EHBP1: variants seen among roughly 807,000 people sequenced by gnomAD.
EHBP1 encodes the protein EH domain binding protein 1.
Under a neutral mutation model 144.0 loss-of-function variants are expected in EHBP1, and 55 were observed. The observed-to-expected ratio is 0.38, with a 90% CI of 0.31 to 0.48. The LOEUF is 0.48. Among genes scored for constraint, EHBP1 ranks in the 20% least tolerant of loss-of-function variants. EHBP1 has a pLI of 0.98. For missense variants in EHBP1, 1,200 were observed against 1,364.2 expected, an observed-to-expected ratio of 0.88 and a Z score of 1.90; for synonymous variants, 469 against 472.7, an observed-to-expected ratio of 0.99 and a Z score of 0.10.
At position 63,045,543 on chromosome 2, in the gene EHBP1, G is replaced by T. The variant is rs753857913; in HGVS notation, c.*43G>T. 2.6e-6 allele frequency: 4 copies of T among 1,511,850 alleles called. No homozygotes were observed. In the South Asian group the frequency reaches 4.7e-5, roughly 18 times the overall value. 93.7% of individuals were successfully genotyped at this position (1,511,850 alleles called of 1,614,324 possible). A position where few individuals can be genotyped will look rare whatever the true frequency, so the allele number is the denominator to read the frequency against. On this transcript the variant is annotated 3_prime_UTR_variant, in exon 23 of 23. Transcript: ENST00000431489. This position sits in a 1 kb window ranked among gnomAD's most constrained non-coding sequence, Gnocchi z 5.7. ...ATCTCTCCCAACATTTTAGAGTCTT[G>T]CTTCCCAAACCAGAAAAAGTCAGAC...
chr2:62,921,346 G>C (rs2055061688), intron 10 of EHBP1, among the ~76,000 whole-genome samples: 1 of 152,080 alleles, frequency 6.6e-6, no homozygotes, highest in Non-Finnish European at 1.5e-5. Flanking sequence ...TCAGGAGGCT[G>C]AGGTAGGAGG....
chr2:62,982,358 T>C (rs1261322980), intron 15 of EHBP1, among the ~76,000 whole-genome samples: 1 of 152,134 alleles, frequency 6.6e-6, no homozygotes, highest in East Asian at 1.9e-4. Context: ...AATATATGAA[T>C]GAATGAGCCT....
chr2:62,699,046 C>T (rs770316409), intron 1 of EHBP1, among the ~76,000 whole-genome samples: 22 of 152,210 alleles, frequency 1.4e-4, no homozygotes, highest in Non-Finnish European at 2.6e-4. Flanking sequence ...TTTGGTTTTA[C>T]ACCACAAGGG....
At chr2:62,988,706 C>CTGGCT (rs2059294925) in intron 15 of EHBP1, among the ~76,000 whole-genome samples, 1 of 152,066 alleles carries the variant, frequency 6.6e-6, no homozygotes, top group African/African-American at 2.4e-5. Context: ...CAGCAAGTAG[C>CTGGCT]AATCCAAAGT....
At chr2:62,844,067 C>G (rs977451838) in intron 7 of EHBP1, among the ~76,000 whole-genome samples, 1 of 152,170 alleles carries the variant, frequency 6.6e-6, no homozygotes, top group African/African-American at 2.4e-5. Flanking sequence ...GTTTCTCCAA[C>G]AAAGCTCAGA....
Position 63,045,423 on chromosome 2 carries a change from G to A in EHBP1, c.3406G>A (p.Asp1136Asn). 6.2e-7 allele frequency: 1 copy of A among 1,614,182 alleles called. No individual in the cohort carries two copies. The highest frequency in any genetic ancestry group is 1.1e-5 in the South Asian group (1 of 91,080). ...DAQEKQAEEE[D>N]EHLERTLEQN... ...TCTGACATCCAGGGCCGAAGAAGAA[G>A]ATGAGCATTTGGAGCGAACTCTGGA... Residue 1136 changes from aspartate to asparagine, a missense_variant, in exon 23 of 23, where the codon GAT becomes AAT. Transcript: ENST00000431489. This position sits in a 1 kb window ranked among gnomAD's most constrained non-coding sequence, Gnocchi z 5.7.
At chr2:62,803,234 C>CA (rs35240136) in intron 5 of EHBP1, among the ~76,000 whole-genome samples, 288 of 121,570 alleles carry the variant, frequency 2.4e-3, no homozygotes, top group East Asian at 5.6e-3. Context: ...GACCCTGTCT[C>CA]AAAAAAAAAA....
At chr2:62,921,109 C>G (rs572055178) in intron 10 of EHBP1, among the ~76,000 whole-genome samples, 8 of 152,222 alleles carry the variant, frequency 5.3e-5, no homozygotes, top group African/African-American at 1.7e-4. Flanking sequence ...TGAAGTTAAA[C>G]TGGTATGAAT....
chr2:62,884,023 A>T (rs2051704451), intron 10 of EHBP1, among the ~76,000 whole-genome samples: 1 of 152,228 alleles, frequency 6.6e-6, no homozygotes, highest in Admixed American at 6.5e-5. Flanking sequence ...AAGTAAAAAA[A>T]GTGCATAACA....
At chr2:62,991,447 A>G (rs2059410552) in intron 16 of EHBP1, among the ~76,000 whole-genome samples, 1 of 152,140 alleles carries the variant, frequency 6.6e-6, no homozygotes. Context: ...AAATACTGTT[A>G]AGAGAATTCT....
chr2:62,760,909 T>C (rs1164016421), intron 3 of EHBP1, among the ~76,000 whole-genome samples: 1 of 152,206 alleles, frequency 6.6e-6, no homozygotes, highest in East Asian at 1.9e-4. Flanking sequence ...GTATTTTTCA[T>C]TGAGAATTTA....
intron 5 of EHBP1, among the ~76,000 whole-genome samples, chr2:62,776,037 T>G (rs1187049974): frequency 6.6e-6 from 1 of 152,218 alleles, no homozygotes; most frequent in Non-Finnish European, 1.5e-5. Context: ...CTTTAATTAT[T>G]GTTTATATAC....
intron 10 of EHBP1, among the ~76,000 whole-genome samples, chr2:62,893,838 G>A (rs1412407835): frequency 6.6e-6 from 1 of 152,110 alleles, no homozygotes; most frequent in Non-Finnish European, 1.5e-5. Flanking sequence ...GAGCTCAGGA[G>A]TTCGAGACCA....
chr2:63,029,805 C>G (rs749838767), intron 19 of EHBP1, among the ~76,000 whole-genome samples: 2 of 152,138 alleles, frequency 1.3e-5, no homozygotes, highest in Non-Finnish European at 2.9e-5. Flanking sequence ...AGTCTCAGCT[C>G]ACAACCTTCA....
At chr2:62,829,621 C>T (rs1354267449) in intron 6 of EHBP1, among the ~76,000 whole-genome samples, 3 of 144,242 alleles carry the variant, frequency 2.1e-5, no homozygotes, top group Admixed American at 7.1e-5. Flanking sequence ...TATAATACTA[C>T]TATATATAAT....
At chr2:63,005,256 T>TGTAGCTGGGC (rs1372627628) in intron 19 of EHBP1, among the ~76,000 whole-genome samples, 1 of 152,136 alleles carries the variant, frequency 6.6e-6, no homozygotes, top group Non-Finnish European at 1.5e-5. Flanking sequence ...GCCCATGCTA[T>TGTAGCTGGGC]AAATGTAGCT....
At chr2:62,837,676 C>T (rs767605922) in intron 7 of EHBP1, among the ~76,000 whole-genome samples, 12 of 147,794 alleles carry the variant, frequency 8.1e-5, no homozygotes, top group Non-Finnish European at 1.5e-4. Context: ...CAAAAAAAGG[C>T]AGGGGTTGCA....
At position 62,864,732 on chromosome 2, in the gene EHBP1, A is replaced by T; in HGVS notation, c.759A>T (p.Glu253Asp). Reference protein sequence around the residue: ...LNPFGDPDSEEPITETASPRK... With the variant: ...LNPFGDPDSEDPITETASPRK... The stretch of plus-strand genomic sequence containing the variant: ...AATTCATCTGCTATTATTTTATAGA[A>T]CCTATCACTGAAACAGCTTCACCTA... The change falls in exon 9 of 23, where the codon GAA (glutamate) becomes GAT (aspartate). Residue 253 changes from glutamate to aspartate, a missense_variant and splice_region_variant. By Grantham distance (45) the Glu-to-Asp change is conservative. Coordinates refer to ENST00000431489, the MANE Select transcript of EHBP1 (RefSeq NM_001142616.3). 1 of 1,607,772 alleles carries T rather than the reference A, an allele frequency of 6.2e-7. No individual in the cohort carries two copies. The highest frequency in any genetic ancestry group is 2.2e-5 in the East Asian group (1 of 44,828).
At chr2:62,863,438 T>A in intron 8 of EHBP1, among the ~76,000 whole-genome samples, 1 of 151,944 alleles carries the variant, frequency 6.6e-6, no homozygotes, top group Non-Finnish European at 1.5e-5. Flanking sequence ...TGAAACTGTG[T>A]CTCAAAAAAA....
Sources: gnomAD v4.1 joint callset for allele counts (sites outside exome capture counted in the v4.1 genomes callset) on GRCh38, gnomAD v4.1.1 for gene constraint, Gnocchi (gnomAD v3.1) non-coding constraint, MANE v1.5 for transcripts, NCBI Gene and HGNC (gene_info 2026-07-23, HGNC 2026-07-21) for gene names.